The following NEO1 variants were observed in gnomAD, a reference collection of about 807,000 sequenced individuals.
NEO1 encodes the protein neogenin.
A neutral mutation model predicts 159.7 loss-of-function variants in NEO1; 63 were observed. The observed-to-expected ratio is 0.39, with a 90% CI of 0.32 to 0.49. The LOEUF (loss-of-function observed/expected upper bound fraction) is 0.49, where lower values mean the gene tolerates loss of function less well. Ranked by LOEUF, NEO1 falls within the 20% of genes least tolerant of loss-of-function variation. NEO1 has a pLI of 0.85. For synonymous variants in NEO1, 633 were observed against 662.0 expected, an observed-to-expected ratio of 0.96 and a Z score of 0.67; for missense variants, 1,615 against 1,831.0, an observed-to-expected ratio of 0.88 and a Z score of 2.15.
At chr15:73,125,832 A>G (rs2030132180) in intron 3 of NEO1, among the ~76,000 whole-genome samples, 1 of 148,834 alleles carries the variant, frequency 6.7e-6, no homozygotes, top group Non-Finnish European at 1.5e-5. Context: ...TAAAGAGACG[A>G]AACTCAGAAA....
intron 5 of NEO1, chr15:73,161,868 C>T: frequency 4.7e-6 from 1 of 211,532 alleles, no homozygotes; most frequent in Admixed American, 5.3e-5. Flanking sequence ...TTGGCTTCCA[C>T]TTTGGGAAGA....
chr15:73,153,265 A>G (rs1004838165), intron 5 of NEO1, among the ~76,000 whole-genome samples: 10 of 152,202 alleles, frequency 6.6e-5, no homozygotes, highest in Non-Finnish European at 1.0e-4. Flanking sequence ...ACACCCTCAC[A>G]GAGAGGCACA....
chr15:73,298,279 G>A (rs1450554211), intron 26 of NEO1, 69 bp from the exon 27 acceptor site: 8 of 1,589,006 alleles, frequency 5.0e-6, no homozygotes, highest in Non-Finnish European at 6.9e-6. Flanking sequence ...CCTAGAAGTA[G>A]CCAAACTGTG....
intron 1 of NEO1, among the ~76,000 whole-genome samples, chr15:73,069,299 A>G (rs905315939): frequency 1.3e-5 from 2 of 151,792 alleles, no homozygotes; most frequent in African/African-American, 2.4e-5. Context: ...CATTTTCATG[A>G]TTGCCAGCTG....
rs763026515 is a variant in NEO1 at position 73,236,429 on chromosome 15, G to A, written c.1374G>A (p.Thr458=). 16 of 1,614,076 alleles carry A rather than the reference G, an allele frequency of 9.9e-6. No homozygotes were observed. Among genetic ancestry groups the A allele is most frequent in the Middle Eastern group, 1.6e-4 (1 of 6,062 alleles). ...SLVSTRFIKL[T]WRTPASDPHG... ...TCTCTACCCGCTTCATCAAATTGAC[G>A]TGGCGGACACCTGCATCAGATCCTC... The change falls in exon 8 of 29, where the codon ACG becomes ACA. Residue 458 remains threonine (T), a synonymous_variant. Coordinates refer to ENST00000261908, the MANE Select transcript of NEO1 (RefSeq NM_002499.4).
At chr15:73,209,925 C>T (rs562874195) in intron 7 of NEO1, among the ~76,000 whole-genome samples, 7 of 152,228 alleles carry the variant, frequency 4.6e-5, no homozygotes, top group African/African-American at 1.7e-4. Flanking sequence ...ATCACATGAA[C>T]CCAGGAGGCG....
chr15:73,152,522 C>T (rs181270155), intron 5 of NEO1, among the ~76,000 whole-genome samples: 1 of 152,286 alleles, frequency 6.6e-6, no homozygotes, highest in East Asian at 1.9e-4. Context: ...TATCAATGTC[C>T]TTTATATTAA....
Position 73,283,052 on chromosome 15 carries a change from C to T in NEO1, c.3351C>T (p.Ile1117=), listed in dbSNP as rs1353812122. The change falls in exon 23 of 29, where the codon ATC becomes ATT. Residue 1117 remains isoleucine (I), a synonymous_variant. Coordinates refer to ENST00000261908, the MANE Select transcript of NEO1 (RefSeq NM_002499.4). The part of the protein sequence containing the change: ...VIIVSVGVIT[I]VVVVIIAVFC... ...TTGTTTCTGTTGGCGTCATCACCAT[C>T]GTGGTGGTTGTGATTATCGCTGTCT... 7 of 1,614,078 alleles carry T rather than the reference C, an allele frequency of 4.3e-6. No individual in the cohort carries two copies. Among genetic ancestry groups the T allele is most frequent in the East Asian group, 2.2e-5 (1 of 44,896 alleles).
At chr15:73,301,960 C>T (rs1176649176) in intron 28 of NEO1, among the ~76,000 whole-genome samples, 2 of 152,230 alleles carry the variant, frequency 1.3e-5, no homozygotes, top group African/African-American at 4.8e-5. Context: ...TGAGCCACCA[C>T]GCTCGGCCCC....
Position 73,052,603 on chromosome 15 carries a change from G to A in NEO1, c.-73G>A, listed in dbSNP as rs2067503834. On this transcript the variant is annotated 5_prime_UTR_variant, in exon 1 of 29. Coordinates refer to ENST00000261908, the MANE Select transcript of NEO1 (RefSeq NM_002499.4). ...GAGCTTGCAGCGAGGGACCGGCTGAGGCGCGCGGGAGGGAAGGAGGCAAGG... is the reference window on the plus strand; with the variant it reads ...GAGCTTGCAGCGAGGGACCGGCTGAAGCGCGCGGGAGGGAAGGAGGCAAGG... 4.0e-6 allele frequency: 4 copies of A among 1,007,612 alleles called. No individual in the cohort carries two copies. The highest frequency in any genetic ancestry group is 5.0e-5 in the Admixed American group (1 of 19,854). 62.4% of individuals were successfully genotyped at this position (1,007,612 alleles called of 1,614,324 possible).
chr15:73,105,403 G>A (rs976190749), intron 1 of NEO1, among the ~76,000 whole-genome samples: 2 of 152,146 alleles, frequency 1.3e-5, no homozygotes, highest in Non-Finnish European at 2.9e-5. Context: ...CCAATGCAGT[G>A]TTTTCTCTTG....
At chr15:73,158,726 A>G (rs1355752466) in intron 5 of NEO1, among the ~76,000 whole-genome samples, 3 of 152,158 alleles carry the variant, frequency 2.0e-5, no homozygotes, top group Non-Finnish European at 4.4e-5. Flanking sequence ...TTAATAGATA[A>G]CATATGAAGA....
chr15:73,066,039 T>TC (rs1187565048), intron 1 of NEO1, among the ~76,000 whole-genome samples: 11 of 150,012 alleles, frequency 7.3e-5, no homozygotes, highest in South Asian at 6.3e-4. Flanking sequence ...TCTTTTCTTT[T>TC]TTTTTTTTTT....
At chr15:73,218,155 A>G (rs1295032875) in intron 7 of NEO1, among the ~76,000 whole-genome samples, 3 of 152,164 alleles carry the variant, frequency 2.0e-5, no homozygotes, top group African/African-American at 2.4e-5. Flanking sequence ...AATTTTGTCA[A>G]AGGCCTTTTC....
intron 24 of NEO1, 149 bp downstream of exon 24, chr15:73,288,700 T>C: frequency 7.3e-6 from 5 of 680,448 alleles, no homozygotes; most frequent in East Asian, 2.7e-5. Context: ...TGGGAACATA[T>C]GATGAAGAAT....
chr15:73,094,346 C>T (rs2069877540), intron 1 of NEO1, among the ~76,000 whole-genome samples: 1 of 152,142 alleles, frequency 6.6e-6, no homozygotes, highest in African/African-American at 2.4e-5. Flanking sequence ...GCAGCTTTTA[C>T]TTAGCATGAT....
chr15:73,108,605 A>G (rs561879555), intron 1 of NEO1, among the ~76,000 whole-genome samples: 1 of 152,154 alleles, frequency 6.6e-6, no homozygotes, highest in South Asian at 2.1e-4. Flanking sequence ...GGTCATTTTA[A>G]TACTCTCTAA....
intron 26 of NEO1, 171 bp from the exon 27 acceptor site, chr15:73,298,177 G>C (rs565436051): frequency 8.8e-5 from 67 of 757,282 alleles, no homozygotes; most frequent in South Asian, 8.5e-4. Context: ...AAAATTGTTC[G>C]AGACTCCATT....
chr15:73,181,172 A>C (rs1173447064), intron 7 of NEO1, among the ~76,000 whole-genome samples: 1 of 152,214 alleles, frequency 6.6e-6, no homozygotes, highest in Non-Finnish European at 1.5e-5. Flanking sequence ...TCAATATGGA[A>C]ATAAAATAGA....
Sources: gnomAD v4.1 joint callset for allele counts (sites outside exome capture counted in the v4.1 genomes callset) on GRCh38, gnomAD v4.1.1 for gene constraint, MANE v1.5 for transcripts, NCBI Gene and HGNC (gene_info 2026-07-23, HGNC 2026-07-21) for gene names.